SSB: variants seen among roughly 807,000 people sequenced by gnomAD.
SSB encodes lupus La protein.
Under a neutral mutation model 52.9 loss-of-function variants are expected in SSB, and 17 were observed. That is an observed-to-expected ratio of 0.32 (90% CI 0.22 to 0.48). The LOEUF is 0.48. Among genes scored for constraint, SSB ranks in the 20% least tolerant of loss-of-function variants. The pLI, the probability that SSB is intolerant of heterozygous loss-of-function variation, is 0.99. For synonymous variants in SSB, 111 were observed against 152.1 expected (o/e 0.73, Z 1.99); for missense variants, 314 against 463.6 (o/e 0.68, Z 2.96).
At chr2:169,804,313 T>A (rs1380720905) in intron 2 of SSB, among the ~76,000 whole-genome samples, 1 of 149,628 alleles carries the variant, frequency 6.7e-6, no homozygotes, top group Non-Finnish European at 1.5e-5. Flanking sequence ...GGCACAATTA[T>A]GCCTCACTGC....
chr2:169,803,884 G>A (rs371907210), intron 2 of SSB, among the ~76,000 whole-genome samples: 4 of 151,990 alleles, frequency 2.6e-5, no homozygotes, highest in Non-Finnish European at 4.4e-5. Context: ...GATTACAGGC[G>A]TGCACCACCA....
chr2:169,803,787 G>T (rs1246541450), intron 2 of SSB, among the ~76,000 whole-genome samples: 2 of 152,008 alleles, frequency 1.3e-5, no homozygotes, highest in African/African-American at 4.8e-5. Context: ...TCTCAGGCTG[G>T]AGTACAGTGG....
intron 2 of SSB, among the ~76,000 whole-genome samples, chr2:169,804,666 C>T (rs963035287): frequency 3.9e-5 from 6 of 152,002 alleles, no homozygotes; most frequent in African/African-American, 1.5e-4. Flanking sequence ...CTGCCCCAGC[C>T]CCCTGAGTAG....
Position 169,806,820 on chromosome 2 carries a change from A to T in SSB, c.381A>T (p.Ile127=), listed in dbSNP as rs1382719362. The part of the protein sequence containing the change: ...GFPTDATLDD[I]KEWLEDKGQV... ...CAACTGATGCAACTCTTGATGACAT[A>T]AAAGAATGGTTAGAAGATAAAGGTC... Residue 127 remains isoleucine (I), a synonymous_variant, in exon 5 of 12, where the codon ATA becomes ATT. Coordinates refer to ENST00000260956, the MANE Select transcript of SSB (RefSeq NM_003142.5). The T allele has an allele frequency of 1.2e-6, 2 of 1,613,186 alleles. No individual in the cohort carries two copies. Among genetic ancestry groups the T allele is most frequent in the Admixed American group, 1.7e-5 (1 of 59,896 alleles).
At chr2:169,801,150 A>G in intron 2 of SSB, 124 bp downstream of exon 2, 1 of 674,830 alleles carries the variant, frequency 1.5e-6, no homozygotes. Context: ...AGATGAACAT[A>G]TAATAGCATA....
rs565774749 is a variant in SSB at position 169,798,909 on chromosome 2, G to A, written c.-77G>A. The stretch of plus-strand genomic sequence containing the variant: ...GCTTTAGGCTGGCCGGCGGCGCTGG[G>A]AGGTGGAGTCGTTGCTGTTGCTGTT... On this transcript the variant is annotated 5_prime_UTR_variant, in exon 1 of 12. Transcript: ENST00000260956. The A allele has an allele frequency of 1.2e-4, 18 of 152,490 alleles. No individual in the cohort carries two copies. Among genetic ancestry groups the A allele is most frequent in the African/African-American group, 3.8e-4 (16 of 41,564 alleles). The allele number at this position is 152,490 out of a possible 1,614,324, so 9.4% of individuals were successfully genotyped here. A position where few individuals can be genotyped will look rare whatever the true frequency, so the allele number is the denominator to read the frequency against.
In SSB at chr2:169,805,575, C is replaced by G. The variant is rs1358069216; in HGVS notation, c.168C>G (p.Asn56Lys). The G allele has an allele frequency of 1.2e-6, 2 of 1,613,320 alleles. No homozygotes were observed. Among genetic ancestry groups the G allele is most frequent in the Non-Finnish European group, 1.7e-6 (2 of 1,179,430 alleles). Residue 56 changes from asparagine to lysine, a missense_variant and splice_region_variant, in exon 3 of 12, where the codon AAC (asparagine) becomes AAG (lysine). Coordinates refer to ENST00000260956, the MANE Select transcript of SSB (RefSeq NM_003142.5). The part of the protein sequence containing the change: ...WVPLEIMIKF[N>K]RLNRLTTDFN... ...CTTTGGAGATAATGATAAAATTCAA[C>G]AGGTAACAAGCTTTTAAAAATAATC...
At chr2:169,804,918 G>A (rs1277073713) in intron 2 of SSB, among the ~76,000 whole-genome samples, 5 of 152,038 alleles carry the variant, frequency 3.3e-5, no homozygotes, top group African/African-American at 7.2e-5. Flanking sequence ...TGGGCAGATC[G>A]CTTGAGATCA....
intron 1 of SSB, among the ~76,000 whole-genome samples, chr2:169,800,702 C>T (rs1322809269): frequency 6.6e-6 from 1 of 151,930 alleles, no homozygotes; most frequent in Non-Finnish European, 1.5e-5. Flanking sequence ...TAAACAGTTT[C>T]TTGTTATAGA....
At chr2:169,804,086 CCTT>C (rs1057067826) in intron 2 of SSB, among the ~76,000 whole-genome samples, 10 of 151,940 alleles carry the variant, frequency 6.6e-5, no homozygotes, top group Admixed American at 1.3e-4. Context: ...CTCTTTTTAC[CCTT>C]CTTCTTTGTT....
chr2:169,808,598 G>A (rs2556352), intron 7 of SSB, 45 bp downstream of exon 7: 1,041,531 of 1,521,586 alleles, frequency 0.68, 360,159 homozygotes, highest in Admixed American at 0.73. Flanking sequence ...ATTCCTTAAA[G>A]CTCTGACAGA....
intron 4 of SSB, 86 bp from the exon 5 acceptor site, chr2:169,806,699 C>G: frequency 8.8e-7 from 1 of 1,139,706 alleles, no homozygotes; most frequent in Non-Finnish European, 1.3e-6. Context: ...GGGTTCATTT[C>G]AAGAAAAAAT....
In SSB at chr2:169,811,781, T is replaced by G. The variant is rs1325812330; in HGVS notation, c.*25T>G. ...GTTTAGTAAACCAATTTTTTATTCATTTTAAATAGGTTTTAAACGACTTTT... is the reference window on the plus strand; with the variant it reads ...GTTTAGTAAACCAATTTTTTATTCAGTTTAAATAGGTTTTAAACGACTTTT... On this transcript the variant is annotated 3_prime_UTR_variant, in exon 12 of 12. Transcript: ENST00000260956. 1 of 1,613,420 alleles carries G rather than the reference T, an allele frequency of 6.2e-7. No individual in the cohort carries two copies. The highest frequency in any genetic ancestry group is 8.5e-7 in the Non-Finnish European group (1 of 1,179,740).
chr2:169,801,247 CT>C (rs1190125837), intron 2 of SSB, among the ~76,000 whole-genome samples: 1 of 152,054 alleles, frequency 6.6e-6, no homozygotes, highest in Non-Finnish European at 1.5e-5. Flanking sequence ...GTTACTTAAT[CT>C]TTTTAAAATT....
In SSB at chr2:169,800,942, A is replaced by T. The variant is rs780804228; in HGVS notation, c.-9-10A>T. 36 of 1,571,182 alleles carry T rather than the reference A, an allele frequency of 2.3e-5. No individual in the cohort carries two copies. Among genetic ancestry groups the T allele is most frequent in the Admixed American group, 8.1e-5 (4 of 49,394 alleles). Reference sequence around the variant, plus strand: ...AAAATAACTTTATGCTAATTTGGGAAATTTTACAGATAGCCGCAATGGCTG... The same window carrying T: ...AAAATAACTTTATGCTAATTTGGGATATTTTACAGATAGCCGCAATGGCTG... On this transcript the variant is annotated splice_polypyrimidine_tract_variant and intron_variant, in intron 1 of 11. Transcript: ENST00000260956.
In SSB at chr2:169,808,568, C is replaced by A. The variant is rs1284103023; in HGVS notation, c.626+15C>A. 1 of 1,583,466 alleles carries A rather than the reference C, an allele frequency of 6.3e-7. No homozygotes were observed. Among genetic ancestry groups the A allele is most frequent in the Non-Finnish European group, 8.7e-7 (1 of 1,153,550 alleles). On this transcript the variant is annotated intron_variant, in intron 7 of 11. Transcript: ENST00000260956. ...AGAGCTAAACAGTAAGTATGTTGAA[C>A]TAATCACGACATAATTTGAATTCCT...
chr2:169,811,411 G>T (rs1001306882), intron 11 of SSB, 88 bp downstream of exon 11: 3 of 1,423,180 alleles, frequency 2.1e-6, no homozygotes, highest in Non-Finnish European at 2.8e-6. Flanking sequence ...TAGGGATTTG[G>T]CTTTTCAACT....
At chr2:169,801,102 C>A in intron 2 of SSB, 76 bp downstream of exon 2, 1 of 1,201,378 alleles carries the variant, frequency 8.3e-7, no homozygotes, top group Non-Finnish European at 1.2e-6. Context: ...AATTCTAGTA[C>A]ATGGACATAT....
At chr2:169,808,018 G>A (rs990591792) in intron 6 of SSB, among the ~76,000 whole-genome samples, 5 of 152,168 alleles carry the variant, frequency 3.3e-5, no homozygotes, top group Admixed American at 2.0e-4. Flanking sequence ...ATATGTTATT[G>A]TTGGATCTTG....
Sources: allele counts gnomAD v4.1 joint callset (sites outside exome capture counted in the v4.1 genomes callset), GRCh38; gene constraint gnomAD v4.1.1; transcripts MANE v1.5; gene names NCBI Gene and HGNC (gene_info 2026-07-23, HGNC 2026-07-21).